SPG7: variants seen among roughly 807,000 people sequenced by gnomAD.
SPG7 encodes the protein SPG7 matrix AAA peptidase subunit, paraplegin, also known as mitochondrial inner membrane m-AAA protease component paraplegin.
Under a neutral mutation model 81.9 loss-of-function variants are expected in SPG7, and 103 were observed. That is an observed-to-expected ratio of 1.26 (90% CI 1.07 to 1.48). SPG7 has a LOEUF of 1.48. Ranked by LOEUF, SPG7 falls within the 40% of genes most tolerant of loss-of-function variation. The pLI, the probability that SPG7 is intolerant of heterozygous loss-of-function variation, is 0.00. For missense variants in SPG7, 1,241 were observed against 1,087.3 expected, an observed-to-expected ratio of 1.14 and a Z score of -1.99; for synonymous variants, 534 against 444.2, an observed-to-expected ratio of 1.20 and a Z score of -2.54.
intron 11 of SPG7, 67 bp from the exon 12 acceptor site, chr16:89,547,936 C>T (rs543069304): frequency 1.4e-5 from 17 of 1,210,560 alleles, no homozygotes; most frequent in Admixed American, 3.4e-5. Flanking sequence ...CTTGAGGGCC[C>T]CTTCCTCCTC....
Position 89,557,111 on chromosome 16 carries a change from C to T in SPG7, c.*18C>T. ...CCAAGTAGTTGGGAGGTGTTGGCTG[C>T]ACGTGCGGGTGGTCCGGGAAGTGAG... On this transcript the variant is annotated 3_prime_UTR_variant, in exon 17 of 17. Coordinates refer to ENST00000645818, the MANE Select transcript of SPG7 (RefSeq NM_003119.4). 1.9e-6 allele frequency: 3 copies of T among 1,603,538 alleles called. No homozygotes were observed. The highest frequency in any genetic ancestry group is 2.6e-6 in the Non-Finnish European group (3 of 1,173,714).
chr16:89,524,537 G>A (rs1469080714), intron 4 of SPG7, among the ~76,000 whole-genome samples: 2 of 152,178 alleles, frequency 1.3e-5, no homozygotes, highest in Non-Finnish European at 2.9e-5. Context: ...TCTGCCTCCC[G>A]AGTTCAAGGG....
At chr16:89,523,966 CAT>C (rs2058227160) in intron 3 of SPG7, 38 bp from the exon 4 acceptor site, 5 of 1,607,706 alleles carry the variant, frequency 3.1e-6, no homozygotes, top group Non-Finnish European at 4.2e-6. Flanking sequence ...GTCTGTTGCT[CAT>C]GTGTTTGTTT....
intron 10 of SPG7, 95 bp from the exon 11 acceptor site, chr16:89,546,563 A>C (rs2152409805): frequency 7.0e-6 from 6 of 857,074 alleles, no homozygotes; most frequent in African/African-American, 1.8e-5. Flanking sequence ...AATCCCAGCT[A>C]CTTGGGGACC....
intron 3 of SPG7, among the ~76,000 whole-genome samples, chr16:89,516,179 G>T (rs920608718): frequency 1.3e-5 from 2 of 151,904 alleles, no homozygotes; most frequent in Non-Finnish European, 2.9e-5. Context: ...GTAGAGACCT[G>T]GTTTGGCCAC....
intron 2 of SPG7, among the ~76,000 whole-genome samples, chr16:89,512,640 T>C (rs1435948028): frequency 1.3e-5 from 2 of 152,240 alleles, no homozygotes; most frequent in African/African-American, 4.8e-5. Flanking sequence ...CAACTTCATA[T>C]ATTAAAGGGA....
chr16:89,550,100 G>A (rs1238673416), intron 12 of SPG7: 1 of 336,412 alleles, frequency 3.0e-6, no homozygotes, highest in Non-Finnish European at 5.8e-6. Flanking sequence ...AGAGAGGCTT[G>A]CTTTGACCAC....
At chr16:89,551,997 G>A (rs752368043) in intron 13 of SPG7, 1 of 152,224 alleles carries the variant, frequency 6.6e-6, no homozygotes, top group Non-Finnish European at 1.5e-5. Context: ...CCAGGAAAAG[G>A]TTGTGAATTG....
chr16:89,545,795 C>T lies in SPG7; in HGVS notation c.1450-863C>T, dbSNP rs147096715. ...GGAAGTTTTGCAGAATAAGCATTTG[C>T]TGTGTGTGACGTGCTTCATTAGCTA... On this transcript the variant is annotated intron_variant, in intron 10 of 16. Coordinates refer to ENST00000645818, the MANE Select transcript of SPG7 (RefSeq NM_003119.4). 323 of 357,698 alleles carry T rather than the reference C, an allele frequency of 9.0e-4. 1 individual carries two copies. The highest frequency in any genetic ancestry group is 6.4e-3 in the African/African-American group (299 of 46,438). The allele number at this position is 357,698 out of a possible 1,614,324, so 22.2% of individuals were successfully genotyped here. A position where few individuals can be genotyped will look rare whatever the true frequency, so the allele number is the denominator to read the frequency against.
chr16:89,534,673 C>T (rs2058388418), intron 9 of SPG7, among the ~76,000 whole-genome samples: 1 of 152,222 alleles, frequency 6.6e-6, no homozygotes, highest in Non-Finnish European at 1.5e-5. Context: ...GAGCTTGCTC[C>T]ACCTCTCATT....
intron 9 of SPG7, among the ~76,000 whole-genome samples, chr16:89,542,826 T>A (rs917093511): frequency 1.3e-5 from 2 of 151,764 alleles, no homozygotes; most frequent in Non-Finnish European, 1.5e-5. Context: ...AGCCTTCACC[T>A]CCTAGGCTCA....
At chr16:89,535,989 G>A (rs956798664) in intron 9 of SPG7, among the ~76,000 whole-genome samples, 4 of 134,370 alleles carry the variant, frequency 3.0e-5, no homozygotes, top group African/African-American at 1.1e-4. Flanking sequence ...CTCTGGTGCT[G>A]TGTGGCCTTC....
intron 5 of SPG7, chr16:89,527,312 C>T (rs930542857): frequency 6.6e-6 from 1 of 152,226 alleles, no homozygotes; most frequent in African/African-American, 2.4e-5. Flanking sequence ...TCTGAATTCA[C>T]ATTCTTGTAT....
intron 9 of SPG7, among the ~76,000 whole-genome samples, chr16:89,534,849 G>GC (rs998011150): frequency 1.2e-4 from 19 of 152,174 alleles, no homozygotes; most frequent in South Asian, 1.2e-3. Context: ...AGGTGCTTCC[G>GC]CCCCCCCGAT....
chr16:89,518,576 G>C (rs1014456798), intron 3 of SPG7: 3 of 151,696 alleles, frequency 2.0e-5, no homozygotes, highest in Non-Finnish European at 2.9e-5. Context: ...TGATAACGCG[G>C]GTGAACCCAG....
intron 9 of SPG7, among the ~76,000 whole-genome samples, chr16:89,536,091 TC>T: frequency 7.0e-6 from 1 of 143,860 alleles, no homozygotes; most frequent in African/African-American, 2.6e-5. Context: ...TGTGTGGCCT[TC>T]AGTGTGGCCG....
rs762517290 is a variant in SPG7, at chr16:89,513,052, T to C, written c.376+15T>C. 6 of 1,593,208 alleles carry C rather than the reference T, an allele frequency of 3.8e-6. No homozygotes were observed. In the Admixed American group the frequency reaches 1.1e-4, roughly 28 times the overall value. ...AGAGGACGAAGGTATATTCATCTGATGTTCTTCAGTCAGTAGCTGCCTCTG... is the reference window on the plus strand; with the variant it reads ...AGAGGACGAAGGTATATTCATCTGACGTTCTTCAGTCAGTAGCTGCCTCTG... On this transcript the variant is annotated intron_variant, in intron 3 of 16. Transcript: ENST00000645818.
At chr16:89,540,200 T>G (rs2058477335) in intron 9 of SPG7, 1 of 152,208 alleles carries the variant, frequency 6.6e-6, no homozygotes, top group African/African-American at 2.4e-5. Flanking sequence ...CCTTTGCCTT[T>G]TCCTGTAATT....
At position 89,554,049 on chromosome 16, in the gene SPG7, C is replaced by A. The variant is rs906798086; in HGVS notation, c.2103+89C>A. On this transcript the variant is annotated intron_variant, in intron 15 of 16. Transcript: ENST00000645818. ...CCACACAAGGGTCGCCCACGGCCGCCCCAGCGGAGCTCAGCTGCAGGCCCC... is the reference window on the plus strand; with the variant it reads ...CCACACAAGGGTCGCCCACGGCCGCACCAGCGGAGCTCAGCTGCAGGCCCC... The A allele has an allele frequency of 4.9e-6, 7 of 1,426,908 alleles. No individual in the cohort carries two copies. In the African/African-American group the frequency reaches 9.8e-5, roughly 20 times the overall value. 88.4% of individuals were successfully genotyped at this position (1,426,908 alleles called of 1,614,324 possible). A position where few individuals can be genotyped will look rare whatever the true frequency, so the allele number is the denominator to read the frequency against.
Sources: allele counts gnomAD v4.1 joint callset (sites outside exome capture counted in the v4.1 genomes callset), GRCh38; gene constraint gnomAD v4.1.1; transcripts MANE v1.5; gene names NCBI Gene and HGNC (gene_info 2026-07-23, HGNC 2026-07-21).